The following C3orf70 variants were observed in gnomAD, a reference collection of about 807,000 sequenced individuals.
C3orf70 encodes UPF0524 protein C3orf70.
A neutral mutation model predicts 20.7 loss-of-function variants in C3orf70; 15 were observed. That is an observed-to-expected ratio of 0.72 (90% CI 0.48 to 1.11). The LOEUF is 1.11. Among genes scored for constraint, C3orf70 ranks in the 50% most tolerant of loss-of-function variants. C3orf70 has a pLI of 0.00. For synonymous variants in C3orf70, 161 were observed against 125.7 expected (o/e 1.28, Z -1.88); for missense variants, 332 against 317.6 (o/e 1.05, Z -0.34).
rs574330284 is a variant in C3orf70, at chr3:185,107,538, C to G, written c.197-23975G>C. On this transcript the variant is annotated intron_variant, in intron 1 of 1. Coordinates refer to ENST00000335012, the MANE Select transcript of C3orf70 (RefSeq NM_001025266.3). ...TTTTTGATGGTGGCCATTGTTAAGC[C>G]TCCAGAACCTACACCTTTAAAATGG... Among the ~76,000 whole-genome samples, 10 of 152,282 alleles carry G rather than the reference C, an allele frequency of 6.6e-5. No homozygotes were observed. The South Asian group carries it at 1.0e-3, about 16-fold the overall frequency.
At position 185,083,528 on chromosome 3, in the gene C3orf70, GT is replaced by G; in HGVS notation, c.231del (p.Glu77AspfsTer30). On this transcript the variant is annotated frameshift_variant, in exon 2 of 2. Transcript: ENST00000335012. LOFTEE classifies it high-confidence loss of function. ...GCAGGAATCTCAGTGCTTGGAAGCT[GT>G]TCCACAGGGGTCATAGGCTGATACA... Reference protein sequence around the residue: ...KYMYQPMTPVEQLPSTEIPAR... With the variant: ...KYMYQPMTPVXQLPSTEIPAR... The G allele has an allele frequency of 6.2e-7, 1 of 1,611,314 alleles. No homozygotes were observed. Among genetic ancestry groups the G allele is most frequent in the Non-Finnish European group, 8.5e-7 (1 of 1,179,146 alleles).
intron 1 of C3orf70, among the ~76,000 whole-genome samples, chr3:185,100,156 A>C (rs57277137): frequency 0.052 from 7,903 of 152,230 alleles, 668 homozygotes; most frequent in African/African-American, 0.18. Context: ...AAAAAATTAA[A>C]AAAGATACTC....
intron 1 of C3orf70, among the ~76,000 whole-genome samples, chr3:185,126,905 G>A (rs1486660599): frequency 6.6e-6 from 1 of 152,074 alleles, no homozygotes; most frequent in Non-Finnish European, 1.5e-5. Flanking sequence ...TTCCCTTACT[G>A]CAATGATAAT....
chr3:185,143,187 CCGATA>C (rs1033106946), intron 1 of C3orf70, among the ~76,000 whole-genome samples: 1 of 151,812 alleles, frequency 6.6e-6, no homozygotes, highest in African/African-American at 2.4e-5. Context: ...TTTTGGCATA[CCGATA>C]TATTTTGGTA....
At chr3:185,129,144 T>C (rs1716477671) in intron 1 of C3orf70, among the ~76,000 whole-genome samples, 1 of 152,180 alleles carries the variant, frequency 6.6e-6, no homozygotes, top group Non-Finnish European at 1.5e-5. Flanking sequence ...AGGGTACATA[T>C]GTGCAGGATG....
intron 1 of C3orf70, among the ~76,000 whole-genome samples, chr3:185,122,700 A>C (rs1033695150): frequency 6.6e-6 from 1 of 152,178 alleles, no homozygotes; most frequent in African/African-American, 2.4e-5. Flanking sequence ...TGTTTCCAGA[A>C]GAGGTTAGTG....
At chr3:185,150,688 C>G (rs766634494) in intron 1 of C3orf70, among the ~76,000 whole-genome samples, 5 of 152,128 alleles carry the variant, frequency 3.3e-5, no homozygotes, top group Non-Finnish European at 7.4e-5. Flanking sequence ...AGGTAGTGGT[C>G]TTGTTCAACT....
chr3:185,098,009 T>C (rs1715746679), intron 1 of C3orf70, among the ~76,000 whole-genome samples: 1 of 152,154 alleles, frequency 6.6e-6, no homozygotes, highest in South Asian at 2.1e-4. Flanking sequence ...TTTCCATGCA[T>C]GATGGGGTTT....
chr3:185,083,562 G>C lies in C3orf70; in HGVS notation c.198C>G (p.Cys66Trp). The change falls in exon 2 of 2, where the codon TGC becomes TGG. Residue 66 changes from cysteine to tryptophan, a missense_variant and splice_region_variant. Physicochemically the swap from Cys to Trp is radical, Grantham distance 215. Coordinates refer to ENST00000335012, the MANE Select transcript of C3orf70 (RefSeq NM_001025266.3). ...HWCCHLGWCH[C>W]KYMYQPMTPV... is the part of the protein sequence containing the mutation. Reference sequence around the variant, plus strand: ...GGGTCATAGGCTGATACATGTATTTGCCTGTGAAGACACAAAAAGACACTT... The same window carrying C: ...GGGTCATAGGCTGATACATGTATTTCCCTGTGAAGACACAAAAAGACACTT... 1 of 1,572,258 alleles carries C rather than the reference G, an allele frequency of 6.4e-7. No homozygotes were observed. Among genetic ancestry groups the C allele is most frequent in the Non-Finnish European group, 8.6e-7 (1 of 1,161,214 alleles).
At chr3:185,111,481 C>T (rs1327375118) in intron 1 of C3orf70, among the ~76,000 whole-genome samples, 1 of 152,136 alleles carries the variant, frequency 6.6e-6, no homozygotes, top group Non-Finnish European at 1.5e-5. Flanking sequence ...AAATGCTCAA[C>T]ACATCATTAG....
intron 1 of C3orf70, among the ~76,000 whole-genome samples, chr3:185,106,340 G>C (rs1322731507): frequency 6.6e-6 from 1 of 151,262 alleles, no homozygotes; most frequent in Non-Finnish European, 1.5e-5. Context: ...ATCTGCATAA[G>C]GCTACTCTGC....
intron 1 of C3orf70, among the ~76,000 whole-genome samples, chr3:185,108,638 T>C (rs539267918): frequency 2.6e-5 from 4 of 152,364 alleles, no homozygotes; most frequent in South Asian, 4.1e-4. Flanking sequence ...ATTTAACCCA[T>C]GTTAATGCCT....
At chr3:185,140,266 G>C (rs548686667) in intron 1 of C3orf70, among the ~76,000 whole-genome samples, 1 of 152,226 alleles carries the variant, frequency 6.6e-6, no homozygotes, top group Non-Finnish European at 1.5e-5. Context: ...AATAAAGGTG[G>C]GGGAAGCCTC....
chr3:185,084,710 A>G (rs1290095290), intron 1 of C3orf70, among the ~76,000 whole-genome samples: 4 of 152,286 alleles, frequency 2.6e-5, no homozygotes, highest in Non-Finnish European at 4.4e-5. Flanking sequence ...ACCTAAATGG[A>G]TTTGGTCCTC....
rs1407685447 is a variant in C3orf70, at chr3:185,152,977, G to T, written c.-154C>A. On this transcript the variant is annotated 5_prime_UTR_variant, in exon 1 of 2. Coordinates refer to ENST00000335012, the MANE Select transcript of C3orf70 (RefSeq NM_001025266.3). ...GGCGGCGGGAGCGCGGCGGTCCCAGGCTCGAGGAGGAGCCGCCCCGGGCGC... is the reference window on the plus strand; with the variant it reads ...GGCGGCGGGAGCGCGGCGGTCCCAGTCTCGAGGAGGAGCCGCCCCGGGCGC... The T allele has an allele frequency of 3.7e-6, 2 of 536,974 alleles. No homozygotes were observed. Among genetic ancestry groups the T allele is most frequent in the African/African-American group, 4.0e-5 (2 of 49,942 alleles). 33.3% of individuals were successfully genotyped at this position (536,974 alleles called of 1,614,324 possible). A position where few individuals can be genotyped will look rare whatever the true frequency, so the allele number is the denominator to read the frequency against.
At chr3:185,099,074 T>C (rs568559430) in intron 1 of C3orf70, among the ~76,000 whole-genome samples, 5 of 152,354 alleles carry the variant, frequency 3.3e-5, no homozygotes, top group African/African-American at 9.6e-5. Context: ...TGGTAAGATA[T>C]AGCCATAACA....
At chr3:185,122,309 T>G (rs2108599523) in intron 1 of C3orf70, among the ~76,000 whole-genome samples, 1 of 151,730 alleles carries the variant, frequency 6.6e-6, no homozygotes, top group East Asian at 1.9e-4. Flanking sequence ...AACAATAGAG[T>G]CTCAGAATAC....
intron 1 of C3orf70, among the ~76,000 whole-genome samples, chr3:185,114,372 G>A (rs985441325): frequency 6.6e-6 from 1 of 152,094 alleles, no homozygotes; most frequent in Non-Finnish European, 1.5e-5. Context: ...AAATATCCAA[G>A]AATTAACAGC....
intron 1 of C3orf70, among the ~76,000 whole-genome samples, chr3:185,118,392 C>G (rs932039745): frequency 6.6e-6 from 1 of 152,174 alleles, no homozygotes; most frequent in Non-Finnish European, 1.5e-5. Flanking sequence ...ATATACTTGA[C>G]TATAGTTTTT....
Sources: gnomAD v4.1 joint callset for allele counts (sites outside exome capture counted in the v4.1 genomes callset) on GRCh38, gnomAD v4.1.1 for gene constraint, MANE v1.5 for transcripts, NCBI Gene and HGNC (gene_info 2026-07-23, HGNC 2026-07-21) for gene names.